The following ZNF433 variants were observed in gnomAD, a reference collection of about 807,000 sequenced individuals.
The protein encoded by ZNF433 is zinc finger protein 433.
ZNF433 carries 12 observed loss-of-function variants against 10.6 expected under a neutral mutation model. That is an observed-to-expected ratio of 1.13 (90% CI 0.72 to 1.83). ZNF433 has a LOEUF of 1.83. Among genes scored for constraint, ZNF433 ranks in the 40% most tolerant of loss-of-function variants. ZNF433 has a pLI of 0.00. For missense variants in ZNF433, 737 were observed against 798.0 expected (o/e 0.92, Z 0.92); for synonymous variants, 272 against 271.3 (o/e 1.00, Z -0.02).
At chr19:12,034,538 T>C in intron 1 of ZNF433, 1 of 274,602 alleles carries the variant, frequency 3.6e-6, no homozygotes, top group Non-Finnish European at 7.3e-6. Flanking sequence ...ACAGACTCTC[T>C]GTGACAATAA....
chr19:12,025,088 T>C (rs1974673020), intron 1 of ZNF433: 1 of 152,194 alleles, frequency 6.6e-6, no homozygotes, highest in Non-Finnish European at 1.5e-5. Flanking sequence ...CACAGATGGG[T>C]CTAGTAATGG....
chr19:12,019,997 T>A (rs1974405432), intron 1 of ZNF433, among the ~76,000 whole-genome samples: 1 of 152,162 alleles, frequency 6.6e-6, no homozygotes, highest in African/African-American at 2.4e-5. Context: ...ATAGGCCAGG[T>A]ATGGTGGCTC....
At position 12,014,804 on chromosome 19, in the gene ZNF433, G is replaced by C; in HGVS notation, c.*41C>G. 6.9e-7 allele frequency: 1 copy of C among 1,458,960 alleles called. No individual in the cohort carries two copies. Among genetic ancestry groups the C allele is most frequent in the South Asian group, 1.4e-5 (1 of 71,308 alleles). 90.4% of individuals were successfully genotyped at this position (1,458,960 alleles called of 1,614,324 possible). A position where few individuals can be genotyped will look rare whatever the true frequency, so the allele number is the denominator to read the frequency against. ...GCCCAGGCTGGTCTTGAACTCCTGGGCTTAAGCAGTCCCCCCACCTCAGCC... is the reference window on the plus strand; with the variant it reads ...GCCCAGGCTGGTCTTGAACTCCTGGCCTTAAGCAGTCCCCCCACCTCAGCC... On this transcript the variant is annotated 3_prime_UTR_variant, in exon 4 of 4. Transcript: ENST00000550507.
chr19:12,017,938 T>C lies in ZNF433; in HGVS notation c.131-2A>G. The C allele has an allele frequency of 6.3e-7, 1 of 1,575,614 alleles. No homozygotes were observed. The highest frequency in any genetic ancestry group is 8.6e-7 in the Non-Finnish European group (1 of 1,165,362). On this transcript the variant is annotated splice_acceptor_variant, in intron 2 of 3. Coordinates refer to ENST00000550507, the MANE Select transcript of ZNF433 (RefSeq NM_001308348.2). LOFTEE classifies it high-confidence loss of function. ...TGTTCTGGGGTTTCCATTTTTTCCC[T>C]ACAACACACAACAAGGAAAATAATC... is the stretch of plus-strand genomic sequence containing the variant.
At chr19:12,018,108 GAAA>G in intron 2 of ZNF433, 55 bp downstream of exon 2, 1 of 1,246,906 alleles carries the variant, frequency 8.0e-7, no homozygotes, top group Non-Finnish European at 1.1e-6. Context: ...CTTGTTCTCA[GAAA>G]AAAAAAAAAA....
At position 12,022,545 on chromosome 19, in the gene ZNF433, CAA is replaced by C. The variant is rs201792495; in HGVS notation, c.4-4255_4-4254del. Among the ~76,000 whole-genome samples the C allele has an allele frequency of 1.3e-4, 20 of 152,174 alleles. No individual in the cohort carries two copies. In the East Asian group the frequency reaches 3.3e-3, roughly 25 times the overall value. On this transcript the variant is annotated intron_variant, in intron 1 of 3. Coordinates refer to ENST00000550507, the MANE Select transcript of ZNF433 (RefSeq NM_001308348.2). ...ACATGTGTGGGTCTTGAACCCAGGT[CAA>C]AGTGTCACCGGAGTAACAGTTGGAG...
rs77921301 is a variant in ZNF433, at chr19:12,016,810, C to A, written c.192-144G>T. Reference sequence around the variant, plus strand: ...CCAGGCTGGAGTGTAGTGGTGCGATCTTCGCTTACTGCAACTTCCACCTCC... The same window carrying A: ...CCAGGCTGGAGTGTAGTGGTGCGATATTCGCTTACTGCAACTTCCACCTCC... On this transcript the variant is annotated intron_variant, in intron 3 of 3. Coordinates refer to ENST00000550507, the MANE Select transcript of ZNF433 (RefSeq NM_001308348.2). 1,853 of 1,183,268 alleles carry A rather than the reference C, an allele frequency of 1.6e-3. 25 individuals carry two copies. The African/African-American group carries it at 0.026, about 17-fold the overall frequency. The allele number at this position is 1,183,268 out of a possible 1,614,324, so 73.3% of individuals were successfully genotyped here. A position where few individuals can be genotyped will look rare whatever the true frequency, so the allele number is the denominator to read the frequency against.
rs780329902 is a variant in ZNF433, at chr19:12,015,173, T to G, written c.1685A>C (p.Lys562Thr). Residue 562 changes from lysine to threonine, a missense_variant, in exon 4 of 4, where the codon AAG becomes ACG. Coordinates refer to ENST00000550507, the MANE Select transcript of ZNF433 (RefSeq NM_001308348.2). ...THTGEKPYEC[K>T]QCGKAFGSAS... ...AGATCCAAAGGCTTTCCCACACTGC[T>G]TACATTCATAAGGTTTCTCTCCAGT... 1 of 1,614,042 alleles carries G rather than the reference T, an allele frequency of 6.2e-7. No individual in the cohort carries two copies. Among genetic ancestry groups the G allele is most frequent in the South Asian group, 1.1e-5 (1 of 91,062 alleles).
intron 1 of ZNF433, among the ~76,000 whole-genome samples, chr19:12,033,414 G>A (rs556674568): frequency 6.6e-6 from 1 of 152,278 alleles, no homozygotes; most frequent in African/African-American, 2.4e-5. Flanking sequence ...TTTCATTTAC[G>A]AGGCTGAGGC....
rs1974080346 is a variant in ZNF433 at position 12,014,929 on chromosome 19, A to AT, written c.1928dup (p.Tyr643Ter). 6.2e-7 allele frequency: 1 copy of AT among 1,613,996 alleles called. No homozygotes were observed. The highest frequency in any genetic ancestry group is 1.3e-5 in the African/African-American group (1 of 75,020). ...HGRTHTGEKP[Y>*]KCNQCGKVFR... Reference sequence around the variant, plus strand: ...AGACTTTACCACATTGGTTACATTTATAGGGTTTCTCTCCAGTGTGAGTCC... The same window carrying AT: ...AGACTTTACCACATTGGTTACATTTATTAGGGTTTCTCTCCAGTGTGAGTCC... The change falls in exon 4 of 4, where the codon TAT becomes TAAT. Residue 643 changes from tyrosine (Y) to a stop codon, truncating the protein, a stop_gained and frameshift_variant. Transcript: ENST00000550507. LOFTEE classifies it low-confidence loss of function (END_TRUNC).
rs1396570332 is a variant in ZNF433 at position 12,035,521 on chromosome 19, T to A, written c.3+16A>T. ...AGCTCCTCCCCCGCCTCGGGACCCC[T>A]GGCCCGCACGCTCACCATTTCTTGC... On this transcript the variant is annotated intron_variant, in intron 1 of 3. Coordinates refer to ENST00000550507, the MANE Select transcript of ZNF433 (RefSeq NM_001308348.2). 6.4e-7 allele frequency: 1 copy of A among 1,571,364 alleles called. No individual in the cohort carries two copies. Among genetic ancestry groups the A allele is most frequent in the Non-Finnish European group, 8.6e-7 (1 of 1,158,396 alleles).
intron 1 of ZNF433, among the ~76,000 whole-genome samples, chr19:12,030,906 T>C (rs1470944723): frequency 1.3e-5 from 2 of 152,020 alleles, no homozygotes; most frequent in African/African-American, 2.4e-5. Context: ...TGAAACCCCG[T>C]CTCTATGAAA....
chr19:12,034,632 GGT>G (rs1264240416), intron 1 of ZNF433: 1 of 313,970 alleles, frequency 3.2e-6, no homozygotes, highest in East Asian at 7.8e-5. Flanking sequence ...TAAAGAAACA[GGT>G]CTTTTGTTTT....
At chr19:12,033,746 C>T (rs1021252450) in intron 1 of ZNF433, among the ~76,000 whole-genome samples, 1 of 151,714 alleles carries the variant, frequency 6.6e-6, no homozygotes, top group Admixed American at 6.6e-5. Flanking sequence ...GGCGTGAACC[C>T]GGGAGGCGGA....
Position 12,016,120 on chromosome 19 carries a change from A to G in ZNF433, c.738T>C (p.Thr246=). The G allele has an allele frequency of 6.2e-7, 1 of 1,614,128 alleles. No individual in the cohort carries two copies. Among genetic ancestry groups the G allele is most frequent in the Non-Finnish European group, 8.5e-7 (1 of 1,180,024 alleles). ...SSLRIHERTH[T]GEKPYKCNEC... ...CATTACATTTATAAGGCTTCTCCCC[A>G]GTGTGAGTTCTTTCATGTATTCGAA... The change falls in exon 4 of 4, where the codon ACT becomes ACC. Residue 246 remains threonine, a synonymous_variant. Transcript: ENST00000550507.
Position 12,015,308 on chromosome 19 carries a change from G to C in ZNF433, c.1550C>G (p.Ser517Cys), listed in dbSNP as rs1001749808. The C allele has an allele frequency of 8.7e-6, 14 of 1,612,092 alleles. No homozygotes were observed. Among genetic ancestry groups the C allele is most frequent in the Non-Finnish European group, 1.2e-5 (14 of 1,179,646 alleles). The change falls in exon 4 of 4, where the codon TCC becomes TGC. Residue 517 changes from serine (S) to cysteine (C), a missense_variant. Physicochemically the swap from Ser to Cys is moderately radical, Grantham distance 112. Transcript: ENST00000550507. ...QCGRSFNCSS[S>C]FRYHGRTHTG... Reference sequence around the variant, plus strand: ...GTGAGTCCTTCCATGATATCGAAAGGAGCTCGAACAGTTGAAGGATCTGCC... The same window carrying C: ...GTGAGTCCTTCCATGATATCGAAAGCAGCTCGAACAGTTGAAGGATCTGCC...
Position 12,015,634 on chromosome 19 carries a change from A to AT in ZNF433, c.1223dup (p.Tyr408Ter). Residue 408 changes from tyrosine (Y) to a stop codon, truncating the protein, a stop_gained and frameshift_variant, in exon 4 of 4, where the codon TAT (tyrosine) becomes TAAT (stop). Transcript: ENST00000550507. LOFTEE classifies it low-confidence loss of function (END_TRUNC). ...KAFNSSSSFRYHERTHTGEKP... is the reference protein window; with the variant it reads ...KAFNSSSSFR Reference sequence around the variant, plus strand: ...TCTCTCCAGTGTGAGTTCTTTCATGATATCGGAAGGAACTGGAAGAATTAA... The same window carrying AT: ...TCTCTCCAGTGTGAGTTCTTTCATGATTATCGGAAGGAACTGGAAGAATTAA... 6.2e-7 allele frequency: 1 copy of AT among 1,612,044 alleles called. No individual in the cohort carries two copies.
At chr19:12,021,510 C>T (rs922688372) in intron 1 of ZNF433, among the ~76,000 whole-genome samples, 80 of 152,194 alleles carry the variant, frequency 5.3e-4, no homozygotes, top group Admixed American at 1.7e-3. Context: ...TCCTTTCCCT[C>T]GCCTTGCCCT....
chr19:12,020,948 G>A (rs1467536154), intron 1 of ZNF433, among the ~76,000 whole-genome samples: 1 of 150,004 alleles, frequency 6.7e-6, no homozygotes, highest in Non-Finnish European at 1.5e-5. Context: ...AAGCTACAGG[G>A]GTCTTAAGGA....
Sources: allele counts gnomAD v4.1 joint callset (sites outside exome capture counted in the v4.1 genomes callset), GRCh38; gene constraint gnomAD v4.1.1; transcripts MANE v1.5; gene names NCBI Gene and HGNC (gene_info 2026-07-23, HGNC 2026-07-21).